The following HYDIN variants were observed in gnomAD, a reference collection of about 807,000 sequenced individuals.
HYDIN encodes HYDIN axonemal central pair apparatus protein, also known as axonemal central pair apparatus protein HYDIN.
Under a neutral mutation model 403.9 loss-of-function variants are expected in HYDIN, and 132 were observed. The observed-to-expected ratio is 0.33, with a 90% CI of 0.28 to 0.38. HYDIN has a LOEUF of 0.38. Ranked by LOEUF, HYDIN falls within the 10% of genes least tolerant of loss-of-function variation. The probability of loss-of-function intolerance (pLI) is 1.00; values close to 1 mark genes in which losing one functional copy is unlikely to be tolerated. For missense variants in HYDIN, 2,827 were observed against 5,009.5 expected (o/e 0.56, Z 13.15); for synonymous variants, 1,202 against 1,891.7 (o/e 0.64, Z 9.46).
intron 2 of HYDIN, 125 bp downstream of exon 2, chr16:71,186,636 A>C (rs2087164592): frequency 6.6e-6 from 5 of 760,812 alleles, no homozygotes; most frequent in Non-Finnish European, 1.1e-5. Context: ...AGCTACCATT[A>C]TAACTAAATT....
At chr16:70,863,870 GAAAGAAAAGA>G (rs11272264) in intron 67 of HYDIN, among the ~76,000 whole-genome samples, 1 of 150,424 alleles carries the variant, frequency 6.6e-6, no homozygotes, top group Non-Finnish European at 1.5e-5. Flanking sequence ...AGACTCTGTC[GAAAGAAAAGA>G]AAAGAAAAGA....
chr16:71,179,806 G>A (rs907404432), intron 3 of HYDIN, among the ~76,000 whole-genome samples: 2 of 152,040 alleles, frequency 1.3e-5, no homozygotes, highest in African/African-American at 2.4e-5. Flanking sequence ...CTGAAACTAC[G>A]AATTACCCCA....
intron 40 of HYDIN, among the ~76,000 whole-genome samples, chr16:70,953,834 AC>A (rs1259327803): frequency 1.7e-5 from 2 of 119,948 alleles, no homozygotes; most frequent in Non-Finnish European, 3.4e-5. Flanking sequence ...ATTTAAGAGA[AC>A]CAGCATTAGG....
intron 10 of HYDIN, among the ~76,000 whole-genome samples, chr16:71,106,169 C>T (rs895996720): frequency 9.3e-6 from 1 of 107,370 alleles, no homozygotes; most frequent in East Asian, 2.8e-4. Context: ...CCCTCCCTCC[C>T]TCTCTCTCTC....
At chr16:70,810,454 C>T (rs1031364181) in intron 84 of HYDIN, among the ~76,000 whole-genome samples, 12 of 152,160 alleles carry the variant, frequency 7.9e-5, no homozygotes, top group African/African-American at 2.4e-4. Flanking sequence ...GGAAACAATT[C>T]GAATGTATTA....
chr16:71,128,210 T>C (rs958290657), intron 9 of HYDIN, among the ~76,000 whole-genome samples: 25 of 152,224 alleles, frequency 1.6e-4, no homozygotes, highest in East Asian at 1.9e-4. Flanking sequence ...GTGACTCACA[T>C]AGCCGGCCCC....
intron 1 of HYDIN, among the ~76,000 whole-genome samples, chr16:71,227,766 C>T (rs1307683520): frequency 1.3e-5 from 2 of 152,212 alleles, no homozygotes; most frequent in African/African-American, 4.8e-5. Flanking sequence ...GTGCCATCCC[C>T]ATCAAGCTAC....
rs1483191929 is a variant in HYDIN at position 70,876,009 on chromosome 16, T to C, written c.10558-1090A>G. Among the ~76,000 whole-genome samples, 5 of 152,116 alleles carry C rather than the reference T, an allele frequency of 3.3e-5. No individual in the cohort carries two copies. In the East Asian group the frequency reaches 9.6e-4, roughly 29 times the overall value. ...AACAACAATTGCTAGACTAAATATA[T>C]ATAAAAAAATTTTTTTTAAAGCATA... On this transcript the variant is annotated intron_variant, in intron 62 of 85. Coordinates refer to ENST00000393567, the MANE Select transcript of HYDIN (RefSeq NM_001270974.2).
At chr16:70,898,755 T>G (rs1433925604) in intron 53 of HYDIN, among the ~76,000 whole-genome samples, 1 of 151,868 alleles carries the variant, frequency 6.6e-6, no homozygotes, top group Non-Finnish European at 1.5e-5. Context: ...GTATTTTTTT[T>G]TTTTTTGAGA....
intron 84 of HYDIN, among the ~76,000 whole-genome samples, chr16:70,812,569 A>G (rs2035576939): frequency 6.6e-6 from 1 of 152,218 alleles, no homozygotes; most frequent in Non-Finnish European, 1.5e-5. Flanking sequence ...ATATTTCTAT[A>G]TTCTTACAAC....
At chr16:71,053,996 T>C (rs1392395617) in intron 18 of HYDIN, among the ~76,000 whole-genome samples, 3 of 152,250 alleles carry the variant, frequency 2.0e-5, no homozygotes, top group Non-Finnish European at 2.9e-5. Flanking sequence ...ACTTTTATCA[T>C]GCAACCTTGG....
Position 70,818,368 on chromosome 16 carries a change from G to A in HYDIN, c.14632C>T (p.Gln4878Ter). The A allele has an allele frequency of 1.2e-6, 2 of 1,613,636 alleles. No individual in the cohort carries two copies. Among genetic ancestry groups the A allele is most frequent in the Admixed American group, 1.7e-5 (1 of 60,002 alleles). Residue 4878 changes from glutamine (Q) to a stop codon, truncating the protein, a stop_gained, in exon 84 of 86, where the codon CAG becomes TAG. Coordinates refer to ENST00000393567, the MANE Select transcript of HYDIN (RefSeq NM_001270974.2). LOFTEE classifies it high-confidence loss of function. ...TCGGAGTTGGCAGGCACCACAAACT[G>A]GGAGGGCAGGGCGATGTCGGGCATC... ...CRMPDIALPS[Q>*]FVVPANSEGT... is the part of the protein sequence containing the mutation.
intron 83 of HYDIN, among the ~76,000 whole-genome samples, chr16:70,825,636 C>T (rs1430475233): frequency 7.1e-6 from 1 of 141,312 alleles, no homozygotes; most frequent in Non-Finnish European, 1.5e-5. Context: ...GTAGCCATCA[C>T]CACAATAAAC....
intron 18 of HYDIN, among the ~76,000 whole-genome samples, chr16:71,056,421 T>C (rs1227096779): frequency 1.3e-5 from 2 of 151,860 alleles, no homozygotes; most frequent in East Asian, 3.9e-4. Context: ...CATTTTTTTG[T>C]ATAGTATTTG....
intron 45 of HYDIN, among the ~76,000 whole-genome samples, chr16:70,922,429 C>T (rs186677120): frequency 1.1e-3 from 174 of 152,272 alleles, no homozygotes; most frequent in African/African-American, 4.1e-3. Context: ...TGGACTTGGG[C>T]AAATAGATGC....
intron 23 of HYDIN, among the ~76,000 whole-genome samples, chr16:71,009,349 T>C (rs1567985607): frequency 6.6e-6 from 1 of 150,438 alleles, no homozygotes; most frequent in Non-Finnish European, 1.5e-5. Flanking sequence ...ACCTAGACTT[T>C]CCAGATGCAT....
intron 18 of HYDIN, among the ~76,000 whole-genome samples, chr16:71,035,692 C>T (rs1284564538): frequency 6.6e-6 from 1 of 152,012 alleles, no homozygotes; most frequent in Admixed American, 6.6e-5. Flanking sequence ...TGCTCAATGG[C>T]TTTATACAAC....
rs76109033 is a variant in HYDIN at position 71,175,455 on chromosome 16, A to C, written c.516+152T>G. ...TCCAGCACTACCACCAATACCACCA[A>C]CAACAACAACACAAATGTCAATACC... On this transcript the variant is annotated intron_variant, in intron 5 of 85. Transcript: ENST00000393567. 8,402 of 808,406 alleles carry C rather than the reference A, an allele frequency of 0.01. 340 individuals carry two copies. The African/African-American group carries it at 0.1, about 10-fold the overall frequency. 50.1% of individuals were successfully genotyped at this position (808,406 alleles called of 1,614,324 possible).
chr16:70,962,505 C>A (rs1420809638), intron 37 of HYDIN, among the ~76,000 whole-genome samples: 3 of 152,230 alleles, frequency 2.0e-5, no homozygotes, highest in African/African-American at 7.2e-5. Context: ...AGGAGAGCTG[C>A]AACCTCTCAG....
Sources: gnomAD v4.1 joint callset for allele counts (sites outside exome capture counted in the v4.1 genomes callset) on GRCh38, gnomAD v4.1.1 for gene constraint, MANE v1.5 for transcripts, NCBI Gene and HGNC (gene_info 2026-07-23, HGNC 2026-07-21) for gene names.